Variants in TMEM132C observed in about 807,000 individuals in gnomAD.
The protein encoded by TMEM132C is transmembrane protein 132C, also known as protein phosphatase 1, regulatory subunit 152.
A neutral mutation model predicts 61.4 loss-of-function variants in TMEM132C; 29 were observed. The ratio of observed to expected loss-of-function variants is 0.47; its 90% CI spans 0.35 to 0.64. TMEM132C has a LOEUF of 0.64. TMEM132C is among the 30% of genes least tolerant of loss of function. The pLI, the probability that TMEM132C is intolerant of heterozygous loss-of-function variation, is 0.00. For missense variants in TMEM132C, 1,408 were observed against 1,476.9 expected, an observed-to-expected ratio of 0.95 and a Z score of 0.76; for synonymous variants, 656 against 633.1, an observed-to-expected ratio of 1.04 and a Z score of -0.54.
chr12:128,383,926 A>G (rs1162454829), intron 1 of TMEM132C, among the ~76,000 whole-genome samples: 1 of 152,200 alleles, frequency 6.6e-6, no homozygotes, highest in East Asian at 1.9e-4. Flanking sequence ...TTAAACTGTT[A>G]AGAGAACTGC....
At chr12:128,625,085 G>T (rs1183325687) in intron 4 of TMEM132C, among the ~76,000 whole-genome samples, 1 of 152,036 alleles carries the variant, frequency 6.6e-6, no homozygotes, top group Non-Finnish European at 1.5e-5. Flanking sequence ...GGGTCCTGAG[G>T]TGGAGAAACC....
At chr12:128,559,816 A>G (rs1300667871) in intron 3 of TMEM132C, among the ~76,000 whole-genome samples, 4 of 152,296 alleles carry the variant, frequency 2.6e-5, no homozygotes, top group South Asian at 2.1e-4. Flanking sequence ...GACAGCTACT[A>G]TGTATGAACA....
At chr12:128,289,323 G>A (rs1422661333) in intron 1 of TMEM132C, among the ~76,000 whole-genome samples, 1 of 152,136 alleles carries the variant, frequency 6.6e-6, no homozygotes, top group African/African-American at 2.4e-5. Flanking sequence ...CGTGAATGCA[G>A]CCTTGTGACT....
At chr12:128,501,693 C>A (rs1872186957) in intron 2 of TMEM132C, among the ~76,000 whole-genome samples, 1 of 152,100 alleles carries the variant, frequency 6.6e-6, no homozygotes, top group Non-Finnish European at 1.5e-5. Flanking sequence ...GATTCAACCG[C>A]CAACCACAAT....
chr12:128,618,036 CA>C (rs1295135594), intron 4 of TMEM132C, among the ~76,000 whole-genome samples: 1 of 152,212 alleles, frequency 6.6e-6, no homozygotes, highest in Non-Finnish European at 1.5e-5. Context: ...CTAGCTTCTT[CA>C]TATGCTCAGT....
At chr12:128,489,869 A>G (rs962919734) in intron 2 of TMEM132C, among the ~76,000 whole-genome samples, 1 of 151,928 alleles carries the variant, frequency 6.6e-6, no homozygotes, top group African/African-American at 2.4e-5. Flanking sequence ...ATTTTTTTAC[A>G]ACATCCTGAA....
chr12:128,384,635 T>C (rs2135994004), intron 1 of TMEM132C, among the ~76,000 whole-genome samples: 1 of 152,178 alleles, frequency 6.6e-6, no homozygotes, highest in African/African-American at 2.4e-5. Context: ...AGTCAGAGGG[T>C]TGGATCAGTC....
Position 128,415,620 on chromosome 12 carries a change from G to A in TMEM132C, c.974G>A (p.Arg325Lys). 6.6e-7 allele frequency: 1 copy of A among 1,520,386 alleles called. No individual in the cohort carries two copies. Among genetic ancestry groups the A allele is most frequent in the Non-Finnish European group, 8.9e-7 (1 of 1,128,444 alleles). 94.2% of individuals were successfully genotyped at this position (1,520,386 alleles called of 1,614,324 possible). A position where few individuals can be genotyped will look rare whatever the true frequency, so the allele number is the denominator to read the frequency against. ...SNSSVDLFILRAKVKKGVNIL... is the reference protein window; with the variant it reads ...SNSSVDLFILKAKVKKGVNIL... ...TCCTCTGTGGACCTCTTCATCTTGAGGTAGGTGCCCATGCTTGCCCCTGAT... is the reference window on the plus strand; with the variant it reads ...TCCTCTGTGGACCTCTTCATCTTGAAGTAGGTGCCCATGCTTGCCCCTGAT... The change falls in exon 2 of 9, where the codon AGA becomes AAA. Residue 325 changes from arginine to lysine, a missense_variant and splice_region_variant. Arg to Lys is a conservative substitution (Grantham distance 26). Transcript: ENST00000435159. This position sits in a 1 kb window ranked among gnomAD's most constrained non-coding sequence, Gnocchi z 5.8.
At position 128,705,153 on chromosome 12, in the gene TMEM132C, G is replaced by A. The variant is rs116496800; in HGVS notation, c.2185G>A (p.Asp729Asn). 3.6e-4 allele frequency: 553 copies of A among 1,551,444 alleles called. 1 individual carries two copies. In the African/African-American group the frequency reaches 5.7e-3, roughly 16 times the overall value. Reference protein sequence around the residue: ...DGSVTPLDIYDTKDFSLAATS... With the variant: ...DGSVTPLDIYNTKDFSLAATS... ...CTCTGTGACGCCCCTGGACATCTAC[G>A]ACACCAAGGACTTCTCCCTGGCAGC... The change falls in exon 9 of 9, where the codon GAC becomes AAC. Residue 729 changes from aspartate (D) to asparagine (N), a missense_variant. Asp to Asn is a conservative substitution (Grantham distance 23). Transcript: ENST00000435159.
At chr12:128,334,622 G>C (rs61434049) in intron 1 of TMEM132C, among the ~76,000 whole-genome samples, 4,067 of 145,952 alleles carry the variant, frequency 0.028, 112 homozygotes, top group African/African-American at 0.072. Context: ...TTGAGACGGT[G>C]TCTTGCTCTG....
At chr12:128,373,588 G>A (rs144958739) in intron 1 of TMEM132C, among the ~76,000 whole-genome samples, 64 of 152,332 alleles carry the variant, frequency 4.2e-4, no homozygotes, top group African/African-American at 1.4e-3. Flanking sequence ...CATGCGTAGC[G>A]TAGTGGGATG....
chr12:128,500,993 G>A (rs1000732442), intron 2 of TMEM132C, among the ~76,000 whole-genome samples: 1 of 152,188 alleles, frequency 6.6e-6, no homozygotes, highest in African/African-American at 2.4e-5. Flanking sequence ...ACTATGGACA[G>A]TTATTCAGCC....
chr12:128,667,112 G>GGT (rs1954486072), intron 4 of TMEM132C, among the ~76,000 whole-genome samples: 1 of 152,168 alleles, frequency 6.6e-6, no homozygotes, highest in African/African-American at 2.4e-5. Flanking sequence ...TAGAGATAGA[G>GGT]ATATATATAC....
chr12:128,444,805 C>T (rs1869917494), intron 2 of TMEM132C, among the ~76,000 whole-genome samples: 1 of 152,190 alleles, frequency 6.6e-6, no homozygotes. Flanking sequence ...TCTGTTCCCT[C>T]TCTGATTGCA....
intron 1 of TMEM132C, among the ~76,000 whole-genome samples, chr12:128,359,338 G>A (rs1490674454): frequency 6.6e-6 from 1 of 152,118 alleles, no homozygotes; most frequent in Non-Finnish European, 1.5e-5. Flanking sequence ...GCATGTGCAG[G>A]GGAACTCTCC....
At chr12:128,520,724 G>A (rs112075184) in intron 2 of TMEM132C, among the ~76,000 whole-genome samples, 3,213 of 152,276 alleles carry the variant, frequency 0.021, 119 homozygotes, top group African/African-American at 0.071. Context: ...ACAAAGGGTG[G>A]CTTGACAGTT....
intron 2 of TMEM132C, among the ~76,000 whole-genome samples, chr12:128,515,389 G>A (rs1565959382): frequency 6.6e-6 from 1 of 152,204 alleles, no homozygotes; most frequent in Non-Finnish European, 1.5e-5. Flanking sequence ...AAAAGCCAGT[G>A]AGGATGGCCA....
chr12:128,575,176 A>G (rs1269240913), intron 3 of TMEM132C, among the ~76,000 whole-genome samples: 1 of 152,238 alleles, frequency 6.6e-6, no homozygotes, highest in Non-Finnish European at 1.5e-5. Flanking sequence ...CAAAGTCATC[A>G]TACCTTATAA....
intron 8 of TMEM132C, among the ~76,000 whole-genome samples, chr12:128,702,664 G>C (rs1212990644): frequency 6.6e-6 from 1 of 152,232 alleles, no homozygotes; most frequent in Non-Finnish European, 1.5e-5. Context: ...CCAACTTCAA[G>C]TGAGTTTCTT....
Sources: allele counts gnomAD v4.1 joint callset (sites outside exome capture counted in the v4.1 genomes callset), GRCh38; gene constraint gnomAD v4.1.1; non-coding constraint Gnocchi (gnomAD v3.1); transcripts MANE v1.5; gene names NCBI Gene and HGNC (gene_info 2026-07-23, HGNC 2026-07-21).